Variants in NT5C2 observed in about 807,000 individuals in gnomAD.
NT5C2 encodes 5'-nucleotidase, cytosolic II.
NT5C2 carries 58 observed loss-of-function variants against 76.1 expected under a neutral mutation model. That is an observed-to-expected ratio of 0.76 (90% CI 0.62 to 0.95). The LOEUF (loss-of-function observed/expected upper bound fraction) is 0.95. Among genes scored for constraint, NT5C2 ranks in the 40% least tolerant of loss-of-function variants. The probability of loss-of-function intolerance (pLI) is 0.00; values close to 1 mark genes in which losing one functional copy is unlikely to be tolerated. For missense variants in NT5C2, 478 were observed against 690.3 expected, an observed-to-expected ratio of 0.69 and a Z score of 3.45; for synonymous variants, 229 against 237.4, an observed-to-expected ratio of 0.96 and a Z score of 0.32.
At chr10:103,110,191 T>TAC (rs1554953592) in intron 4 of NT5C2, among the ~76,000 whole-genome samples, 1 of 152,118 alleles carries the variant, frequency 6.6e-6, no homozygotes, top group Non-Finnish European at 1.5e-5. Flanking sequence ...TCCCAGCACT[T>TAC]ACACCTGTAA....
At chr10:103,111,776 T>C in intron 4 of NT5C2, 4 of 1,232,096 alleles carry the variant, frequency 3.2e-6, no homozygotes, top group Non-Finnish European at 4.0e-6. Flanking sequence ...TGTGTGTCAC[T>C]CCAGTCTTGA....
At position 103,124,237 on chromosome 10, in the gene NT5C2, G is replaced by T. The variant is rs562389953; in HGVS notation, c.175+15169C>A. 6.6e-5 allele frequency among the ~76,000 whole-genome samples: 10 copies of T among 151,486 alleles called. No individual in the cohort carries two copies. The South Asian group carries it at 2.1e-3, about 32-fold the overall frequency. ...TTTTTTTTTTTTTAATTTAAAGAAG[G>T]ACCTGTTGTCCAAAATCTATTTCCT... On this transcript the variant is annotated intron_variant, in intron 4 of 18. Transcript: ENST00000404739.
chr10:103,170,982 C>T (rs1316591929), intron 3 of NT5C2, among the ~76,000 whole-genome samples: 1 of 152,090 alleles, frequency 6.6e-6, no homozygotes, highest in Non-Finnish European at 1.5e-5. Flanking sequence ...CTCCATATAA[C>T]ATAATCTTTT....
At chr10:103,146,253 T>C (rs2081458980) in intron 3 of NT5C2, 3 of 985,420 alleles carry the variant, frequency 3.0e-6, no homozygotes, top group Non-Finnish European at 3.6e-6. Flanking sequence ...TGGATATCAC[T>C]GTTGCTCCAC....
intron 1 of NT5C2, among the ~76,000 whole-genome samples, chr10:103,186,425 G>A (rs188479844): frequency 2.6e-5 from 4 of 152,286 alleles, no homozygotes; most frequent in African/African-American, 7.2e-5. Flanking sequence ...ACCTCATAGC[G>A]TCCATTACGT....
rs537259520 is a variant in NT5C2, at chr10:103,089,678, TTCCTCC to T, written c.1674_1679del (p.Glu559_Glu560del). 1.7e-4 allele frequency: 262 copies of T among 1,559,886 alleles called. 1 individual carries two copies. The highest frequency in any genetic ancestry group is 1.9e-4 in the Non-Finnish European group (213 of 1,141,640). ...GGGGTTTTGGTTTTCCTCCTTATTC[TTCCTCC>T]TCCTCCTCCTCTTCATCATCATCTT... On this transcript the variant is annotated inframe_deletion, in exon 19 of 19. Coordinates refer to ENST00000404739, the MANE Select transcript of NT5C2 (RefSeq NM_001351169.2).
Position 103,161,059 on chromosome 10 carries a change from T to C in NT5C2, c.101+13799A>G, listed in dbSNP as rs149708224. Among the ~76,000 whole-genome samples the C allele has an allele frequency of 9.8e-5, 15 of 152,286 alleles. No individual in the cohort carries two copies. In the East Asian group the frequency reaches 2.9e-3, roughly 29 times the overall value. ...GGATTTGGAGAAACTGGAACATTCATACACTGCTAGAGGGAATGTAAAATG... is the reference window on the plus strand; with the variant it reads ...GGATTTGGAGAAACTGGAACATTCACACACTGCTAGAGGGAATGTAAAATG... On this transcript the variant is annotated intron_variant, in intron 3 of 18. Coordinates refer to ENST00000404739, the MANE Select transcript of NT5C2 (RefSeq NM_001351169.2).
chr10:103,182,961 T>C (rs566814022), intron 1 of NT5C2, among the ~76,000 whole-genome samples: 10 of 152,188 alleles, frequency 6.6e-5, no homozygotes, highest in Non-Finnish European at 1.3e-4. Flanking sequence ...TAACCTATAG[T>C]AGTTAGACAT....
intron 3 of NT5C2, among the ~76,000 whole-genome samples, chr10:103,159,666 GAAAGA>G (rs890954884): frequency 8.1e-5 from 12 of 147,358 alleles, no homozygotes; most frequent in African/African-American, 1.2e-4. Context: ...AAAAAAAAAA[GAAAGA>G]AAAGAAAATA....
chr10:103,140,559 TAGA>T (rs1162646801), intron 3 of NT5C2, among the ~76,000 whole-genome samples: 5 of 152,238 alleles, frequency 3.3e-5, no homozygotes, highest in Admixed American at 6.5e-5. Context: ...GGCATACAAC[TAGA>T]AGAACTGCTG....
intron 8 of NT5C2, chr10:103,100,757 A>T (rs772836422): frequency 1.7e-6 from 1 of 575,710 alleles, no homozygotes; most frequent in Non-Finnish European, 3.3e-6. Context: ...CAAACCTCCC[A>T]CTCAGTTGTC....
Position 103,101,120 on chromosome 10 carries a change from G to C in NT5C2, c.482-18C>G, listed in dbSNP as rs561703544. 1 of 1,568,982 alleles carries C rather than the reference G, an allele frequency of 6.4e-7. No homozygotes were observed. Among genetic ancestry groups the C allele is most frequent in the South Asian group, 1.1e-5 (1 of 89,800 alleles). ...GTAGGTCTCTGAAAAATGAAGAACA[G>C]ATATTCATAAGCTATAATGAAATAA... is the stretch of plus-strand genomic sequence containing the variant. On this transcript the variant is annotated intron_variant, in intron 7 of 18. Coordinates refer to ENST00000404739, the MANE Select transcript of NT5C2 (RefSeq NM_001351169.2).
rs1391694221 is a variant in NT5C2 at position 103,162,474 on chromosome 10, C to A, written c.101+12384G>T. ...TATGAAGGTGTTCAACCTATTTATT[C>A]ATCAGAAAAATACAACTTAAAACCA... is the stretch of plus-strand genomic sequence containing the variant. On this transcript the variant is annotated intron_variant, in intron 3 of 18. Transcript: ENST00000404739. Among the ~76,000 whole-genome samples the A allele has an allele frequency of 2.6e-5, 4 of 152,128 alleles. No individual in the cohort carries two copies. The South Asian group carries it at 8.3e-4, about 32-fold the overall frequency.
intron 3 of NT5C2, among the ~76,000 whole-genome samples, chr10:103,148,558 C>T (rs553227525): frequency 4.0e-4 from 60 of 150,958 alleles, no homozygotes; most frequent in East Asian, 1.2e-3. Context: ...GAGCCAAGAT[C>T]GTGCCACTGC....
chr10:103,113,606 GAGA>G (rs1261023931), intron 4 of NT5C2, among the ~76,000 whole-genome samples: 1 of 152,058 alleles, frequency 6.6e-6, no homozygotes, highest in Non-Finnish European at 1.5e-5. Context: ...ACTAGAAGCT[GAGA>G]AGAAGAAACA....
At chr10:103,133,445 G>C (rs917696025) in intron 4 of NT5C2, among the ~76,000 whole-genome samples, 1 of 152,100 alleles carries the variant, frequency 6.6e-6, no homozygotes, top group Non-Finnish European at 1.5e-5. Flanking sequence ...ATTTTTAGTA[G>C]AGATGGGGTC....
At chr10:103,190,158 G>A (rs545768388) in intron 1 of NT5C2, among the ~76,000 whole-genome samples, 8 of 147,430 alleles carry the variant, frequency 5.4e-5, no homozygotes, top group African/African-American at 1.3e-4. Context: ...GCGCTACCAC[G>A]CCTGATTAAT....
chr10:103,093,361 A>C, intron 14 of NT5C2, 52 bp from the exon 15 acceptor site: 1 of 1,428,306 alleles, frequency 7.0e-7, no homozygotes, highest in Non-Finnish European at 9.4e-7. Flanking sequence ...TAAAATCAGC[A>C]TTCCAATAGT....
chr10:103,190,023 C>T (rs1300395873), intron 1 of NT5C2, among the ~76,000 whole-genome samples: 2 of 91,222 alleles, frequency 2.2e-5, no homozygotes, highest in African/African-American at 9.8e-5. Context: ...TTTTTTGAGA[C>T]AGAGTTTCAC....
Sources: gnomAD v4.1 joint callset for allele counts (sites outside exome capture counted in the v4.1 genomes callset) on GRCh38, gnomAD v4.1.1 for gene constraint, MANE v1.5 for transcripts, NCBI Gene and HGNC (gene_info 2026-07-23, HGNC 2026-07-21) for gene names.